Variants in PCDHA7 observed in about 807,000 individuals in gnomAD.
PCDHA7 encodes the protein protocadherin alpha-7.
In PCDHA7, 37 loss-of-function variants were observed where a neutral mutation model predicts 57.2. The observed-to-expected ratio is 0.65, with a 90% confidence interval of 0.50 to 0.85. The LOEUF (loss-of-function observed/expected upper bound fraction) is 0.85, where lower values mean the gene tolerates loss of function less well. Among genes scored for constraint, PCDHA7 ranks in the 40% least tolerant of loss-of-function variants. The pLI, the probability that PCDHA7 is intolerant of heterozygous loss-of-function variation, is 0.00. For missense variants in PCDHA7, 1,188 were observed against 1,241.8 expected (o/e 0.96, Z 0.65); for synonymous variants, 553 against 558.8 (o/e 0.99, Z 0.15).
intron 1 of PCDHA7, chr5:140,926,774 A>G: frequency 7.2e-7 from 1 of 1,380,760 alleles, no homozygotes; most frequent in Non-Finnish European, 9.4e-7. Flanking sequence ...AGCCCGCAGC[A>G]GTGACGGCCG....
intron 1 of PCDHA7, chr5:140,929,206 C>T (rs1554206828): frequency 2.5e-6 from 4 of 1,614,018 alleles, no homozygotes; most frequent in Non-Finnish European, 1.7e-6. Flanking sequence ...TTTGCTGTTG[C>T]GTGGGGAGTA....
rs181372488 is a variant in PCDHA7, at chr5:140,858,049, G to A, written c.2355+21311G>A. 14,822 of 1,597,442 alleles carry A rather than the reference G, an allele frequency of 9.3e-3. 1,340 individuals carry two copies. Among genetic ancestry groups the A allele is most frequent in the Non-Finnish European group, 0.012 (13,697 of 1,167,420 alleles). On this transcript the variant is annotated intron_variant, in intron 1 of 3. Transcript: ENST00000525929. Reference sequence around the variant, plus strand: ...CGGCCACGGCCACTGTGCTTGTGTCGCTTGTGGAGGGCAGCCAGGCACCCA... The same window carrying A: ...CGGCCACGGCCACTGTGCTTGTGTCACTTGTGGAGGGCAGCCAGGCACCCA...
At chr5:140,857,626 G>T in intron 1 of PCDHA7, 1 of 1,596,672 alleles carries the variant, frequency 6.3e-7, no homozygotes, top group Non-Finnish European at 8.6e-7. Flanking sequence ...ACCACGAGGA[G>T]CTGGAGCTGC....
intron 1 of PCDHA7, among the ~76,000 whole-genome samples, chr5:140,912,358 T>G (rs2075885370): frequency 1.4e-5 from 2 of 146,130 alleles, no homozygotes; most frequent in African/African-American, 2.6e-5. Flanking sequence ...TTTTTTTTTT[T>G]GCAGCTGTTG....
intron 1 of PCDHA7, chr5:140,842,982 T>C (rs2150349122): frequency 6.3e-7 from 1 of 1,594,948 alleles, no homozygotes; most frequent in Non-Finnish European, 8.6e-7. Context: ...CTGCAGGTGT[T>C]CGTGCTGGAC....
intron 1 of PCDHA7, among the ~76,000 whole-genome samples, chr5:140,958,355 C>A (rs2095420165): frequency 6.6e-6 from 1 of 152,064 alleles, no homozygotes; most frequent in Admixed American, 6.6e-5. Context: ...CACAGTCTGA[C>A]TTTATCAGGA....
At chr5:140,898,466 T>C (rs1331469917) in intron 1 of PCDHA7, among the ~76,000 whole-genome samples, 1 of 152,202 alleles carries the variant, frequency 6.6e-6, no homozygotes, top group Admixed American at 6.5e-5. Context: ...CCATTGCTTG[T>C]TTTTCTCAGG....
In PCDHA7 at chr5:140,969,065, A is replaced by G. The variant is rs1554231418; in HGVS notation, c.2356-9884A>G. 4.3e-6 allele frequency: 7 copies of G among 1,614,188 alleles called. No individual in the cohort carries two copies. The East Asian group carries it at 1.6e-4, about 36-fold the overall frequency. On this transcript the variant is annotated intron_variant, in intron 1 of 3. Coordinates refer to ENST00000525929, the MANE Select transcript of PCDHA7 (RefSeq NM_018910.3). ...ACAAGCCAACAACAATATTGATGCC[A>G]GGATACCGCATGGCCTCAAAGTGCA...
rs77462249 is a variant in PCDHA7 at position 141,008,293 on chromosome 5, C to G, written c.2504-1334C>G. ...ATAGGAAATTGAAATAGCAGTTGTA[C>G]CCAACCCTAAACTGTAATTGAACAT... On this transcript the variant is annotated intron_variant, in intron 3 of 3. Coordinates refer to ENST00000525929, the MANE Select transcript of PCDHA7 (RefSeq NM_018910.3). 3.5e-3 allele frequency among the ~76,000 whole-genome samples: 527 copies of G among 152,254 alleles called. 1 individual carries two copies. The highest frequency in any genetic ancestry group is 5.9e-3 in the Non-Finnish European group (399 of 68,006).
chr5:140,941,191 T>TTTTTTTTCTTTC (rs1554213809), intron 1 of PCDHA7, among the ~76,000 whole-genome samples: 2 of 93,204 alleles, frequency 2.1e-5, no homozygotes, highest in African/African-American at 7.9e-5. Context: ...GCTTCTTTTT[T>TTTTTTTTCTTTC]TTTCTTTCTT....
At chr5:140,999,993 G>A (rs529237834) in intron 3 of PCDHA7, among the ~76,000 whole-genome samples, 1 of 152,114 alleles carries the variant, frequency 6.6e-6, no homozygotes, top group African/African-American at 2.4e-5. Flanking sequence ...CTGGGTAGTG[G>A]TATTAGATTG....
intron 1 of PCDHA7, among the ~76,000 whole-genome samples, chr5:140,905,531 C>T (rs2071895291): frequency 6.6e-6 from 1 of 151,776 alleles, no homozygotes; most frequent in African/African-American, 2.4e-5. Context: ...TTTTTTGGTT[C>T]CATATGAACT....
chr5:140,941,211 CTTCCTTTCTTTCTTTCTTTCTTT>C (rs2092859339), intron 1 of PCDHA7, among the ~76,000 whole-genome samples: 20 of 129,726 alleles, frequency 1.5e-4, no homozygotes, highest in Admixed American at 7.8e-4. Flanking sequence ...TCCTTTCTTT[CTTCCTTTCTTTCTTTCTTTCTTT>C]CTTTCTTTCT....
At chr5:140,928,337 AT>A (rs549164954) in intron 1 of PCDHA7, 7 of 1,613,944 alleles carry the variant, frequency 4.3e-6, no homozygotes, top group Non-Finnish European at 5.9e-6. Flanking sequence ...CTTGTCTCTT[AT>A]GAGCTGTTGG....
chr5:140,869,102 C>G, intron 1 of PCDHA7: 1 of 1,598,758 alleles, frequency 6.3e-7, no homozygotes, highest in Non-Finnish European at 8.5e-7. Context: ...ATTTCGTATG[C>G]GATGTTTGGT....
chr5:140,883,532 G>C, intron 1 of PCDHA7: 2 of 1,614,220 alleles, frequency 1.2e-6, no homozygotes, highest in Non-Finnish European at 1.7e-6. Context: ...ATCAGCCTAT[G>C]AACTGGTGGT....
intron 1 of PCDHA7, chr5:140,842,530 T>C: frequency 6.2e-7 from 1 of 1,613,064 alleles, no homozygotes; most frequent in South Asian, 1.1e-5. Flanking sequence ...CCTTCAAGAA[T>C]TACTACTCGT....
intron 1 of PCDHA7, among the ~76,000 whole-genome samples, chr5:140,909,441 C>A (rs971678951): frequency 2.6e-5 from 4 of 152,214 alleles, no homozygotes; most frequent in African/African-American, 9.7e-5. Flanking sequence ...AATCCACTGT[C>A]ATTCTCCAAG....
At chr5:140,922,865 G>A (rs1554201014) in intron 1 of PCDHA7, among the ~76,000 whole-genome samples, 1 of 152,062 alleles carries the variant, frequency 6.6e-6, no homozygotes, top group Non-Finnish European at 1.5e-5. Flanking sequence ...ATAGACAAGG[G>A]GAAAAAATCC....
Sources: allele counts gnomAD v4.1 joint callset (sites outside exome capture counted in the v4.1 genomes callset), GRCh38; gene constraint gnomAD v4.1.1; transcripts MANE v1.5; gene names NCBI Gene and HGNC (gene_info 2026-07-23, HGNC 2026-07-21).